Variants in TNN observed in about 807,000 individuals in gnomAD.
TNN encodes tenascin N.
TNN carries 122 observed loss-of-function variants against 134.4 expected under a neutral mutation model. The ratio of observed to expected loss-of-function variants is 0.91; its 90% CI spans 0.78 to 1.06. The LOEUF (loss-of-function observed/expected upper bound fraction) is 1.06. TNN is among the 50% of genes least tolerant of loss of function. The pLI is 0.00. For synonymous variants in TNN, 710 were observed against 670.3 expected, an observed-to-expected ratio of 1.06 and a Z score of -0.91; for missense variants, 1,739 against 1,699.4, an observed-to-expected ratio of 1.02 and a Z score of -0.41.
At chr1:175,116,777 A>T (rs560881358) in intron 9 of TNN, among the ~76,000 whole-genome samples, 162 bp from the exon 10 acceptor site, 1 of 152,334 alleles carries the variant, frequency 6.6e-6, no homozygotes, top group Admixed American at 6.5e-5. Context: ...CCAAGAATCC[A>T]GCTGTGGGGA....
At position 175,083,799 on chromosome 1, in the gene TNN, C is replaced by T; in HGVS notation, c.1098C>T (p.Ser366=). 1 of 1,614,166 alleles carries T rather than the reference C, an allele frequency of 6.2e-7. No homozygotes were observed. The highest frequency in any genetic ancestry group is 8.5e-7 in the Non-Finnish European group (1 of 1,180,030). Residue 366 remains serine, a synonymous_variant, in exon 5 of 19, where the codon TCC becomes TCT. Transcript: ENST00000239462. The part of the protein sequence containing the change: ...TAWVTDETEN[S]LDVEWENPST... ...GGGTGACAGATGAGACTGAGAACTCCCTTGACGTGGAGTGGGAAAACCCCT... is the reference window on the plus strand; with the variant it reads ...GGGTGACAGATGAGACTGAGAACTCTCTTGACGTGGAGTGGGAAAACCCCT...
Position 175,136,872 on chromosome 1 carries a change from T to C in TNN, c.3479T>C (p.Val1160Ala). Reference protein sequence around the residue: ...LTTGTPARYEVRVDLQTANES... With the variant: ...LTTGTPARYEARVDLQTANES... ...ACCGGCACTCCAGCGCGGTATGAGG[T>C]GAGAGTGGATTTACAGACTGCCAAT... Residue 1160 changes from valine (V) to alanine (A), a missense_variant, in exon 17 of 19, where the codon GTG becomes GCG. Physicochemically the swap from Val to Ala is moderately conservative, Grantham distance 64. Transcript: ENST00000239462. 6.2e-7 allele frequency: 1 copy of C among 1,614,062 alleles called. No individual in the cohort carries two copies. Among genetic ancestry groups the C allele is most frequent in the Non-Finnish European group, 8.5e-7 (1 of 1,179,982 alleles).
intron 12 of TNN, 24 bp from the exon 13 acceptor site, chr1:175,126,931 A>T: frequency 6.3e-7 from 1 of 1,594,310 alleles, no homozygotes. Context: ...TAGTAATAAC[A>T]ATTACCTGAC....
Position 175,074,437 on chromosome 1 carries a change from A to C in TNN, c.-35-2947A>C, listed in dbSNP as rs566589225. Among the ~76,000 whole-genome samples the C allele has an allele frequency of 2.1e-5, 3 of 141,650 alleles. No individual in the cohort carries two copies. In the East Asian group the frequency reaches 7.2e-4, roughly 34 times the overall value. The allele number at this position is 141,650 out of a possible 152,430, so 92.9% of individuals were successfully genotyped here. A position where few individuals can be genotyped will look rare whatever the true frequency, so the allele number is the denominator to read the frequency against. ...GAGGTGGACATTGCAGTGAGCCGTG[A>C]TTGTGCCAATGCACTCCAGCCTGGG... On this transcript the variant is annotated intron_variant, in intron 1 of 18. Coordinates refer to ENST00000239462, the MANE Select transcript of TNN (RefSeq NM_022093.2).
At position 175,143,622 on chromosome 1, in the gene TNN, T is replaced by G. The variant is rs571864416; in HGVS notation, c.3596-765T>G. Reference sequence around the variant, plus strand: ...AGGCTTTGAAGGGATGGTTGGGATTTGGACAGATGAGGGCAGAGAGAAATC... The same window carrying G: ...AGGCTTTGAAGGGATGGTTGGGATTGGGACAGATGAGGGCAGAGAGAAATC... On this transcript the variant is annotated intron_variant, in intron 17 of 18. Transcript: ENST00000239462. Among the ~76,000 whole-genome samples, 75 of 152,152 alleles carry G rather than the reference T, an allele frequency of 4.9e-4. 2 individuals are homozygous for G. In the South Asian group the frequency reaches 0.014, roughly 29 times the overall value.
At chr1:175,071,521 C>T (rs1673912886) in intron 1 of TNN, among the ~76,000 whole-genome samples, 5 of 152,206 alleles carry the variant, frequency 3.3e-5, no homozygotes, top group Admixed American at 3.3e-4. Context: ...TTCATGTCCC[C>T]AGTGGATCAT....
chr1:175,114,421 T>C (rs948314553), intron 9 of TNN, among the ~76,000 whole-genome samples: 4 of 152,250 alleles, frequency 2.6e-5, no homozygotes, highest in African/African-American at 9.6e-5. Context: ...GGCTATTCTA[T>C]TCTTATTTTC....
At position 175,088,763 on chromosome 1, in the gene TNN, A is replaced by G. The variant is rs138493488; in HGVS notation, c.1324+3269A>G. Among the ~76,000 whole-genome samples, 954 of 152,348 alleles carry G rather than the reference A, an allele frequency of 6.3e-3. 13 individuals carry two copies. The highest frequency in any genetic ancestry group is 0.022 in the African/African-American group (907 of 41,572). Reference sequence around the variant, plus strand: ...TTTATTGCAGGATGTATCTGGGCCAAAGAGACCTGGTCCCTTTAGAAATTT... The same window carrying G: ...TTTATTGCAGGATGTATCTGGGCCAGAGAGACCTGGTCCCTTTAGAAATTT... On this transcript the variant is annotated intron_variant, in intron 6 of 18. Transcript: ENST00000239462.
intron 2 of TNN, among the ~76,000 whole-genome samples, chr1:175,078,153 C>T (rs1161961056): frequency 6.6e-6 from 1 of 152,124 alleles, no homozygotes; most frequent in Non-Finnish European, 1.5e-5. Context: ...CAATGGGATA[C>T]ACAGGAAAGA....
chr1:175,088,011 C>T (rs1574145640), intron 6 of TNN, among the ~76,000 whole-genome samples: 1 of 152,216 alleles, frequency 6.6e-6, no homozygotes, highest in East Asian at 1.9e-4. Context: ...CTTCCATGGC[C>T]TCTGTGGGTG....
At chr1:175,145,567 A>AAAAAAAAAAAAAAAAAAAC (rs1676044356) in intron 18 of TNN, among the ~76,000 whole-genome samples, 1 of 148,344 alleles carries the variant, frequency 6.7e-6, no homozygotes, top group Admixed American at 6.7e-5. Flanking sequence ...AAAAAAAAAA[A>AAAAAAAAAAAAAAAAAAAC]AAAAAAAAGC....
chr1:175,101,145 T>C (rs890444687), intron 9 of TNN, among the ~76,000 whole-genome samples: 1 of 152,158 alleles, frequency 6.6e-6, no homozygotes, highest in African/African-American at 2.4e-5. Context: ...TCGCGGTGAG[T>C]GTTACAGCTC....
rs762913461 is a variant in TNN at position 175,080,334 on chromosome 1, T to A, written c.956T>A (p.Leu319His). 1 of 1,614,116 alleles carries A rather than the reference T, an allele frequency of 6.2e-7. No individual in the cohort carries two copies. Among genetic ancestry groups the A allele is most frequent in the South Asian group, 1.1e-5 (1 of 91,082 alleles). The change falls in exon 4 of 19, where the codon CTT becomes CAT. Residue 319 changes from leucine to histidine, a missense_variant. Transcript: ENST00000239462. ...AAGGAGCAGCACAGCTATGAGATTC[T>A]TGGTTTGCTGCCTGGAACCAAGTAC... ...VPKEQHSYEI[L>H]GLLPGTKYIV...
At chr1:175,102,242 G>T (rs1674742204) in intron 9 of TNN, among the ~76,000 whole-genome samples, 1 of 146,434 alleles carries the variant, frequency 6.8e-6, no homozygotes, top group Non-Finnish European at 1.5e-5. Flanking sequence ...GCTTCACCCA[G>T]TGGATCCCGC....
rs776425839 is a variant in TNN at position 175,097,518 on chromosome 1, C to A, written c.1690C>A (p.Arg564Ser). The change falls in exon 8 of 19, where the codon CGC (arginine) becomes AGC (serine). Residue 564 changes from arginine (R) to serine (S), a missense_variant. Physicochemically the swap from Arg to Ser is moderately radical, Grantham distance 110. Coordinates refer to ENST00000239462, the MANE Select transcript of TNN (RefSeq NM_022093.2). ...GGCCACCATTGACAAGTACGTGGTG[C>A]GCTACACCTCTGCTGACGACCAAGA... ...VQATIDKYVV[R>S]YTSADDQETR... 5 of 1,614,034 alleles carry A rather than the reference C, an allele frequency of 3.1e-6. No homozygotes were observed. The Admixed American group carries it at 6.7e-5, about 22-fold the overall frequency.
chr1:175,115,058 C>G (rs1187522120), intron 9 of TNN, among the ~76,000 whole-genome samples: 1 of 152,090 alleles, frequency 6.6e-6, no homozygotes, highest in Non-Finnish European at 1.5e-5. Context: ...GGGGCCTAGT[C>G]CAGCTCTAGG....
chr1:175,124,637 C>A (rs566094505), intron 12 of TNN, among the ~76,000 whole-genome samples: 2 of 152,228 alleles, frequency 1.3e-5, no homozygotes, highest in South Asian at 4.1e-4. Context: ...GCCAAGATTG[C>A]GCCATTGCAC....
intron 16 of TNN, 67 bp from the exon 17 acceptor site, chr1:175,136,754 C>T: frequency 3.4e-6 from 5 of 1,485,440 alleles, no homozygotes; most frequent in Non-Finnish European, 4.6e-6. Context: ...GCCTCAGACA[C>T]ACATGTTGAG....
At chr1:175,093,353 G>A (rs555230946) in intron 6 of TNN, among the ~76,000 whole-genome samples, 1 of 152,334 alleles carries the variant, frequency 6.6e-6, no homozygotes, top group South Asian at 2.1e-4. Context: ...CTGGCATATT[G>A]TTCTGGGTTA....
Sources: gnomAD v4.1 joint callset for allele counts (sites outside exome capture counted in the v4.1 genomes callset) on GRCh38, gnomAD v4.1.1 for gene constraint, MANE v1.5 for transcripts, NCBI Gene and HGNC (gene_info 2026-07-23, HGNC 2026-07-21) for gene names.